GRM3: variants seen among roughly 807,000 people sequenced by gnomAD.
GRM3 encodes the protein metabotropic glutamate receptor 3.
GRM3 carries 26 observed loss-of-function variants against 70.5 expected under a neutral mutation model. That is an observed-to-expected ratio of 0.37 (90% CI 0.27 to 0.51). The LOEUF (loss-of-function observed/expected upper bound fraction) is 0.51, where lower values mean the gene tolerates loss of function less well. GRM3 is among the 20% of genes least tolerant of loss of function. GRM3 has a pLI of 0.93. For synonymous variants in GRM3, 443 were observed against 434.9 expected (o/e 1.02, Z -0.23); for missense variants, 859 against 1,123.8 (o/e 0.76, Z 3.37).
chr7:86,833,414 TA>T (rs1327551760), intron 3 of GRM3, among the ~76,000 whole-genome samples: 23 of 150,626 alleles, frequency 1.5e-4, no homozygotes, highest in Non-Finnish European at 2.8e-4. Context: ...ATAATAATAA[TA>T]AAGAAAAAAA....
intron 3 of GRM3, among the ~76,000 whole-genome samples, chr7:86,797,900 C>T (rs573718676): frequency 3.0e-4 from 45 of 152,268 alleles, no homozygotes; most frequent in African/African-American, 8.9e-4. Flanking sequence ...GCATCCCAGC[C>T]GTGGCTAAAA....
chr7:86,733,376 T>C (rs1225098877), intron 1 of GRM3, among the ~76,000 whole-genome samples: 1 of 151,716 alleles, frequency 6.6e-6, no homozygotes. Flanking sequence ...GGATTCCCAT[T>C]GACAAAAGAA....
intron 2 of GRM3, among the ~76,000 whole-genome samples, chr7:86,770,326 C>T (rs956951995): frequency 1.1e-4 from 17 of 152,014 alleles, no homozygotes; most frequent in Non-Finnish European, 1.5e-5. Context: ...CAGAAGAGAG[C>T]CTTGAAAGGA....
At chr7:86,822,122 T>A (rs944702645) in intron 3 of GRM3, among the ~76,000 whole-genome samples, 1 of 152,034 alleles carries the variant, frequency 6.6e-6, no homozygotes. Context: ...CAAGAGAAAA[T>A]GACATCTATT....
intron 1 of GRM3, among the ~76,000 whole-genome samples, chr7:86,655,720 A>G (rs1361975536): frequency 6.6e-6 from 1 of 152,028 alleles, no homozygotes; most frequent in East Asian, 1.9e-4. Context: ...TGAATCCTCC[A>G]AAGTTAGGGG....
intron 1 of GRM3, among the ~76,000 whole-genome samples, chr7:86,685,395 G>GA (rs1254522521): frequency 6.6e-6 from 1 of 152,140 alleles, no homozygotes; most frequent in Non-Finnish European, 1.5e-5. Flanking sequence ...TCATCGATTA[G>GA]AAAAAACAGA....
At chr7:86,700,418 G>A (rs1057344946) in intron 1 of GRM3, among the ~76,000 whole-genome samples, 1 of 151,744 alleles carries the variant, frequency 6.6e-6, no homozygotes, top group African/African-American at 2.4e-5. Context: ...TAATTGCGAG[G>A]TGAAATGAGA....
At chr7:86,777,590 C>A (rs989579650) in intron 2 of GRM3, among the ~76,000 whole-genome samples, 9 of 152,150 alleles carry the variant, frequency 5.9e-5, no homozygotes, top group African/African-American at 2.2e-4. Context: ...TTTCTAAAAT[C>A]AACATTAATT....
chr7:86,702,390 C>T (rs2116104252), intron 1 of GRM3, among the ~76,000 whole-genome samples: 1 of 152,122 alleles, frequency 6.6e-6, no homozygotes, highest in East Asian at 1.9e-4. Context: ...GCCAGGCTTT[C>T]CTATGTAGCT....
intron 3 of GRM3, among the ~76,000 whole-genome samples, chr7:86,807,430 G>C (rs1407484264): frequency 6.7e-6 from 1 of 149,650 alleles, no homozygotes; most frequent in African/African-American, 2.5e-5. Context: ...TTGAGCAGTG[G>C]TTTGTAGTTC....
At chr7:86,810,499 T>C (rs1797888720) in intron 3 of GRM3, among the ~76,000 whole-genome samples, 1 of 152,032 alleles carries the variant, frequency 6.6e-6, no homozygotes, top group African/African-American at 2.4e-5. Context: ...TAATCTTATG[T>C]GGTTCCTCCA....
At chr7:86,863,614 C>T (rs1798999620) in intron 5 of GRM3, among the ~76,000 whole-genome samples, 1 of 152,138 alleles carries the variant, frequency 6.6e-6, no homozygotes, top group Non-Finnish European at 1.5e-5. Context: ...TCCACTTGAA[C>T]AATGAAAATA....
In GRM3 at chr7:86,792,569, T is replaced by C. The variant is rs184230821; in HGVS notation, c.1324+5453T>C. On this transcript the variant is annotated intron_variant, in intron 3 of 5. Coordinates refer to ENST00000361669, the MANE Select transcript of GRM3 (RefSeq NM_000840.3). Reference sequence around the variant, plus strand: ...AGAAAATTCATCCAAGTTCACATAATGAATAGGTGACAGAGTAAATGCCAA... The same window carrying C: ...AGAAAATTCATCCAAGTTCACATAACGAATAGGTGACAGAGTAAATGCCAA... 7.1e-4 allele frequency among the ~76,000 whole-genome samples: 108 copies of C among 152,290 alleles called. 1 individual carries two copies. The highest frequency in any genetic ancestry group is 1.4e-3 in the Non-Finnish European group (92 of 68,014).
chr7:86,655,331 A>T (rs1275753535), intron 1 of GRM3, among the ~76,000 whole-genome samples: 1 of 152,242 alleles, frequency 6.6e-6, no homozygotes, highest in Non-Finnish European at 1.5e-5. Flanking sequence ...TTTATTCAAA[A>T]CATCCATGTG....
intron 3 of GRM3, among the ~76,000 whole-genome samples, chr7:86,793,072 G>C (rs992780764): frequency 7.3e-6 from 1 of 137,880 alleles, no homozygotes; most frequent in Non-Finnish European, 1.5e-5. Context: ...ACTGGGATCA[G>C]AGACCTAGAG....
At chr7:86,674,227 G>T (rs1338599424) in intron 1 of GRM3, among the ~76,000 whole-genome samples, 1 of 151,018 alleles carries the variant, frequency 6.6e-6, no homozygotes, top group Non-Finnish European at 1.5e-5. Flanking sequence ...AGGACCAAAA[G>T]ATTCACCCCC....
intron 3 of GRM3, among the ~76,000 whole-genome samples, chr7:86,833,777 G>A (rs1337297242): frequency 6.6e-6 from 1 of 152,092 alleles, no homozygotes; most frequent in Admixed American, 6.5e-5. Flanking sequence ...GCAACCTAAG[G>A]ATCTTTATTA....
At chr7:86,657,614 A>G (rs1369568995) in intron 1 of GRM3, among the ~76,000 whole-genome samples, 7 of 152,220 alleles carry the variant, frequency 4.6e-5, no homozygotes, top group Non-Finnish European at 1.5e-5. Context: ...TCCTGTAGGC[A>G]GAGGAAAATC....
chr7:86,853,131 G>A (rs1798783702), intron 5 of GRM3, among the ~76,000 whole-genome samples: 2 of 152,230 alleles, frequency 1.3e-5, no homozygotes, highest in African/African-American at 4.8e-5. Flanking sequence ...TAGACTGTAA[G>A]CCATTATTGG....
Sources: allele counts gnomAD v4.1 joint callset (sites outside exome capture counted in the v4.1 genomes callset), GRCh38; gene constraint gnomAD v4.1.1; transcripts MANE v1.5; gene names NCBI Gene and HGNC (gene_info 2026-07-23, HGNC 2026-07-21).